The following GDAP1 variants were observed in gnomAD, a reference collection of about 807,000 sequenced individuals.
The protein encoded by GDAP1 is ganglioside induced differentiation associated protein 1, also known as ganglioside-induced differentiation-associated protein 1.
GDAP1 carries 34 observed loss-of-function variants against 40.1 expected under a neutral mutation model. The ratio of observed to expected loss-of-function variants is 0.85; its 90% CI spans 0.64 to 1.13. GDAP1 has a LOEUF of 1.13. Among genes scored for constraint, GDAP1 ranks in the 50% most tolerant of loss-of-function variants. The pLI is 0.00. For missense variants in GDAP1, 374 were observed against 433.7 expected, an observed-to-expected ratio of 0.86 and a Z score of 1.22; for synonymous variants, 170 against 157.4, an observed-to-expected ratio of 1.08 and a Z score of -0.60.
chr8:74,467,524 A>G (rs1806485251), intron 2 of GDAP1, among the ~76,000 whole-genome samples: 1 of 152,202 alleles, frequency 6.6e-6, no homozygotes, highest in Admixed American at 6.5e-5. Context: ...CAGTGAAGAT[A>G]TGAGAGGCAA....
chr8:74,423,335 A>G (rs1586830615), intron 2 of GDAP1, among the ~76,000 whole-genome samples: 1 of 147,354 alleles, frequency 6.8e-6, no homozygotes, highest in African/African-American at 2.5e-5. Context: ...TATTTATTAT[A>G]GTATAATAAA....
intron 1 of GDAP1, among the ~76,000 whole-genome samples, chr8:74,350,896 C>T (rs1295846649): frequency 6.6e-6 from 1 of 151,878 alleles, no homozygotes; most frequent in Non-Finnish European, 1.5e-5. Context: ...CTTTGTGGAC[C>T]CTCATAATCT....
chr8:74,358,627 T>C (rs1004150880), intron 2 of GDAP1, among the ~76,000 whole-genome samples: 1 of 152,228 alleles, frequency 6.6e-6, no homozygotes, highest in Admixed American at 6.5e-5. Flanking sequence ...AAACTTCTAC[T>C]GTACACTTGA....
chr8:74,382,403 GTGGCTAGAACTTGGTATGTTC>G (rs1217742839), intron 2 of GDAP1, among the ~76,000 whole-genome samples: 2 of 122,084 alleles, frequency 1.6e-5, no homozygotes, highest in African/African-American at 3.3e-5. Flanking sequence ...GATCTTTTCA[GTGGCTAGAACTTGGTATGTTC>G]TAAATATTTA....
At chr8:74,406,899 G>A (rs1391446748) in intron 2 of GDAP1, among the ~76,000 whole-genome samples, 1 of 149,818 alleles carries the variant, frequency 6.7e-6, no homozygotes, top group Admixed American at 6.6e-5. Context: ...GTTGGTAGCT[G>A]AGTGCAGTTA....
At chr8:74,458,014 A>G (rs751928813) in intron 2 of GDAP1, among the ~76,000 whole-genome samples, 1 of 152,108 alleles carries the variant, frequency 6.6e-6, no homozygotes, top group African/African-American at 2.4e-5. Flanking sequence ...TGTAGTTTTT[A>G]AGAATAACTG....
chr8:74,468,555 A>G (rs1470923614), intron 2 of GDAP1, among the ~76,000 whole-genome samples: 3 of 151,782 alleles, frequency 2.0e-5, no homozygotes, highest in Non-Finnish European at 4.4e-5. Flanking sequence ...ACACACATAT[A>G]TAGGTTGCTA....
intron 2 of GDAP1, among the ~76,000 whole-genome samples, chr8:74,425,742 T>C (rs759307722): frequency 3.9e-4 from 60 of 152,200 alleles, no homozygotes; most frequent in Non-Finnish European, 1.8e-4. Flanking sequence ...TACAAACTTA[T>C]CATTGGTCAA....
rs903645028 is a variant in GDAP1, at chr8:74,366,056, G to T, written c.*1689G>T. On this transcript the variant is annotated 3_prime_UTR_variant, in exon 6 of 6. Transcript: ENST00000220822. ...TGGATTTTTATAAAAACCTCTGAAG[G>T]ATATTTACCTATGAAAAAGTTGTTA... 3 of 442,534 alleles carry T rather than the reference G, an allele frequency of 6.8e-6. No individual in the cohort carries two copies. Among genetic ancestry groups the T allele is most frequent in the Non-Finnish European group, 1.3e-5 (3 of 223,584 alleles). The allele number at this position is 442,534 out of a possible 1,614,324, so 27.4% of individuals were successfully genotyped here. A position where few individuals can be genotyped will look rare whatever the true frequency, so the allele number is the denominator to read the frequency against.
intron 2 of GDAP1, among the ~76,000 whole-genome samples, chr8:74,394,315 A>T (rs935748494): frequency 4.6e-5 from 7 of 152,172 alleles, no homozygotes. Flanking sequence ...TGACACGTGG[A>T]AATTGTGGGA....
intron 2 of GDAP1, among the ~76,000 whole-genome samples, chr8:74,418,578 C>G (rs996243072): frequency 1.3e-5 from 2 of 152,132 alleles, no homozygotes; most frequent in Admixed American, 6.5e-5. Context: ...AAAAGTTTTA[C>G]AAGAGGACAA....
chr8:74,457,726 G>A (rs888889954), intron 2 of GDAP1, among the ~76,000 whole-genome samples: 1 of 151,976 alleles, frequency 6.6e-6, no homozygotes, highest in Admixed American at 6.6e-5. Flanking sequence ...TTCCAAAGAA[G>A]ACTTAGAGAA....
chr8:74,369,527 C>T (rs1022714620), downstream of GDAP1, among the ~76,000 whole-genome samples: 3 of 152,026 alleles, frequency 2.0e-5, no homozygotes, highest in East Asian at 1.9e-4. Context: ...GATAAAGAAA[C>T]ACAGCCTCAG....
At chr8:74,449,492 A>G (rs1806271354) in intron 2 of GDAP1, among the ~76,000 whole-genome samples, 1 of 151,734 alleles carries the variant, frequency 6.6e-6, no homozygotes, top group Non-Finnish European at 1.5e-5. Context: ...TAGGTCTTAG[A>G]TTTTTCTAAA....
At chr8:74,418,836 TATAAC>T (rs1402019798) in intron 2 of GDAP1, among the ~76,000 whole-genome samples, 1 of 143,082 alleles carries the variant, frequency 7.0e-6, no homozygotes, top group Non-Finnish European at 1.5e-5. Flanking sequence ...ATGCAACAAT[TATAAC>T]AAACTATTCA....
chr8:74,438,277 A>T (rs1806118330), intron 2 of GDAP1, among the ~76,000 whole-genome samples: 1 of 152,136 alleles, frequency 6.6e-6, no homozygotes, highest in South Asian at 2.1e-4. Flanking sequence ...TCAAAAAACA[A>T]AAAACAACAA....
chr8:74,361,394 T>G (rs1809355245), intron 3 of GDAP1, among the ~76,000 whole-genome samples: 1 of 151,766 alleles, frequency 6.6e-6, no homozygotes, highest in South Asian at 2.1e-4. Context: ...TATTCTTTGT[T>G]TTTTTCTTTT....
intron 2 of GDAP1, among the ~76,000 whole-genome samples, chr8:74,358,210 C>G (rs904883830): frequency 1.3e-5 from 2 of 152,210 alleles, no homozygotes; most frequent in African/African-American, 4.8e-5. Context: ...TGGGCTTGGC[C>G]TGATGGATCT....
At chr8:74,396,264 T>C (rs1810197428) in intron 2 of GDAP1, among the ~76,000 whole-genome samples, 1 of 151,994 alleles carries the variant, frequency 6.6e-6, no homozygotes, top group African/African-American at 2.4e-5. Flanking sequence ...TTTATTGGTT[T>C]CCACAATTCC....
Sources: allele counts gnomAD v4.1 joint callset (sites outside exome capture counted in the v4.1 genomes callset), GRCh38; gene constraint gnomAD v4.1.1; transcripts MANE v1.5; gene names NCBI Gene and HGNC (gene_info 2026-07-23, HGNC 2026-07-21).